Variants in ROR1 observed in about 807,000 individuals in gnomAD.
The protein encoded by ROR1 is ROR family WNT receptor 1.
Under a neutral mutation model 78.8 loss-of-function variants are expected in ROR1, and 19 were observed. The ratio of observed to expected loss-of-function variants is 0.24; its 90% CI spans 0.17 to 0.35. ROR1 has a LOEUF of 0.35. ROR1 is among the 10% of genes least tolerant of loss of function. ROR1 has a pLI of 1.00. For missense variants in ROR1, 917 were observed against 1,177.8 expected, an observed-to-expected ratio of 0.78 and a Z score of 3.24; for synonymous variants, 386 against 433.6, an observed-to-expected ratio of 0.89 and a Z score of 1.36.
chr1:63,869,544 C>G (rs907847331), intron 1 of ROR1, among the ~76,000 whole-genome samples: 1 of 152,222 alleles, frequency 6.6e-6, no homozygotes, highest in African/African-American at 2.4e-5. Context: ...AAACCTGATT[C>G]ACAGTACTCT....
intron 1 of ROR1, among the ~76,000 whole-genome samples, chr1:63,833,880 T>TAAAGTTATGCCCTTGAATGTTGCAAATA (rs1240541399): frequency 6.6e-6 from 1 of 152,000 alleles, no homozygotes; most frequent in Non-Finnish European, 1.5e-5. Context: ...ATGTTGCAAA[T>TAAAGTTATGCCCTTGAATGTTGCAAATA]ATAAAGACTA....
chr1:64,084,852 T>A (rs1187732688), intron 4 of ROR1, among the ~76,000 whole-genome samples: 2 of 152,206 alleles, frequency 1.3e-5, no homozygotes, highest in Non-Finnish European at 2.9e-5. Context: ...TGCAGTGGGC[T>A]GTGCAGGTGT....
chr1:63,920,370 C>T (rs760326975), intron 1 of ROR1, among the ~76,000 whole-genome samples: 5 of 152,140 alleles, frequency 3.3e-5, no homozygotes, highest in Admixed American at 1.3e-4. Context: ...AGCAGGAAGG[C>T]GTCTCATAGG....
chr1:63,955,864 G>T (rs867334282), intron 1 of ROR1, among the ~76,000 whole-genome samples: 2 of 152,192 alleles, frequency 1.3e-5, no homozygotes, highest in South Asian at 4.1e-4. Flanking sequence ...CGGCTAGAAG[G>T]CCTCTGAGCC....
At chr1:63,962,929 C>T (rs1646041783) in intron 1 of ROR1, among the ~76,000 whole-genome samples, 1 of 152,084 alleles carries the variant, frequency 6.6e-6, no homozygotes, top group Non-Finnish European at 1.5e-5. Flanking sequence ...AGATGGTTCT[C>T]AAGACCAGGT....
chr1:63,815,286 C>T (rs1440559868), intron 1 of ROR1, among the ~76,000 whole-genome samples: 2 of 151,944 alleles, frequency 1.3e-5, no homozygotes, highest in African/African-American at 2.4e-5. Flanking sequence ...CAGAGGGATA[C>T]CAGTAATTAT....
intron 1 of ROR1, among the ~76,000 whole-genome samples, chr1:63,792,751 A>G (rs915326212): frequency 6.7e-6 from 1 of 149,700 alleles, no homozygotes; most frequent in Non-Finnish European, 1.5e-5. Context: ...AAAGAGAGAG[A>G]ATGAGAGAAA....
intron 1 of ROR1, among the ~76,000 whole-genome samples, chr1:63,920,412 A>G (rs1645644730): frequency 6.6e-6 from 1 of 152,278 alleles, no homozygotes; most frequent in African/African-American, 2.4e-5. Flanking sequence ...AAGTCAGTGT[A>G]GTGGCAAAGA....
At chr1:63,950,263 C>A (rs1422384969) in intron 1 of ROR1, among the ~76,000 whole-genome samples, 1 of 152,204 alleles carries the variant, frequency 6.6e-6, no homozygotes, top group Non-Finnish European at 1.5e-5. Context: ...GGCAGAGCAG[C>A]CCCAGGGCTG....
intron 1 of ROR1, among the ~76,000 whole-genome samples, chr1:63,886,244 C>T (rs994563125): frequency 1.3e-5 from 2 of 152,180 alleles, no homozygotes; most frequent in Non-Finnish European, 2.9e-5. Context: ...TCCCACCGCT[C>T]ACCTCCTGCT....
At chr1:64,071,178 A>G (rs1461119028) in intron 4 of ROR1, among the ~76,000 whole-genome samples, 1 of 152,170 alleles carries the variant, frequency 6.6e-6, no homozygotes, top group African/African-American at 2.4e-5. Context: ...TTAGCTGTGC[A>G]AGCCAGTGTT....
intron 4 of ROR1, chr1:64,094,503 T>TA (rs1647244908): frequency 6.6e-6 from 1 of 152,248 alleles, no homozygotes; most frequent in African/African-American, 2.4e-5. Flanking sequence ...ACAGCCTACT[T>TA]ACCATATAAT....
chr1:63,999,082 T>C (rs1471826882), intron 1 of ROR1, among the ~76,000 whole-genome samples: 4 of 152,214 alleles, frequency 2.6e-5, no homozygotes, highest in Non-Finnish European at 5.9e-5. Flanking sequence ...CTTCCCAGTC[T>C]CGGGTATGTC....
At chr1:64,013,821 A>G (rs78877710) in intron 2 of ROR1, among the ~76,000 whole-genome samples, 39 of 152,370 alleles carry the variant, frequency 2.6e-4, no homozygotes, top group Admixed American at 2.0e-3. Context: ...GCCTCTTTAA[A>G]GTCAGGGTTT....
At chr1:63,958,664 A>T (rs1240936525) in intron 1 of ROR1, among the ~76,000 whole-genome samples, 2 of 152,246 alleles carry the variant, frequency 1.3e-5, no homozygotes, top group Non-Finnish European at 1.5e-5. Context: ...CAATGCTCAT[A>T]TAGTGGATCT....
intron 1 of ROR1, among the ~76,000 whole-genome samples, chr1:63,888,696 A>T (rs989943936): frequency 6.6e-6 from 1 of 152,148 alleles, no homozygotes; most frequent in African/African-American, 2.4e-5. Context: ...TGGATCTGTA[A>T]ATATTATTTA....
intron 2 of ROR1, among the ~76,000 whole-genome samples, chr1:64,032,005 C>G (rs913583949): frequency 5.3e-5 from 8 of 151,910 alleles, no homozygotes; most frequent in African/African-American, 1.9e-4. Context: ...GTTTCTTTTC[C>G]TAGGAAAAAT....
At chr1:63,918,710 G>A (rs1346361851) in intron 1 of ROR1, among the ~76,000 whole-genome samples, 1 of 152,156 alleles carries the variant, frequency 6.6e-6, no homozygotes. Context: ...AGACGTCAGT[G>A]GTGCCAGAGA....
intron 2 of ROR1, among the ~76,000 whole-genome samples, chr1:64,041,358 A>G (rs1646744323): frequency 6.6e-6 from 1 of 152,210 alleles, no homozygotes; most frequent in African/African-American, 2.4e-5. Flanking sequence ...AATTTGGTAG[A>G]GATCTTTTCT....
Sources: allele counts gnomAD v4.1 joint callset (sites outside exome capture counted in the v4.1 genomes callset), GRCh38; gene constraint gnomAD v4.1.1; transcripts MANE v1.5; gene names NCBI Gene and HGNC (gene_info 2026-07-23, HGNC 2026-07-21).